Variants in TMA16 observed in about 807,000 individuals in gnomAD.
The protein encoded by TMA16 is translation machinery associated 16 homolog.
In TMA16, 26 loss-of-function variants were observed where a neutral mutation model predicts 27.1. The observed-to-expected ratio is 0.96, with a 90% CI of 0.70 to 1.33. TMA16 has a LOEUF of 1.33. Among genes scored for constraint, TMA16 ranks in the 40% most tolerant of loss-of-function variants. TMA16 has a pLI of 0.00. For missense variants in TMA16, 233 were observed against 241.4 expected (o/e 0.97, Z 0.23); for synonymous variants, 71 against 81.9 (o/e 0.87, Z 0.72).
chr4:163,510,952 A>G (rs1346928891), intron 2 of TMA16, among the ~76,000 whole-genome samples: 1 of 152,130 alleles, frequency 6.6e-6, no homozygotes, highest in East Asian at 1.9e-4. Context: ...GTGTGGACAT[A>G]CGTTTTCATT....
intron 6 of TMA16, among the ~76,000 whole-genome samples, chr4:163,517,711 A>G (rs1737902535): frequency 6.6e-6 from 1 of 152,202 alleles, no homozygotes; most frequent in African/African-American, 2.4e-5. Context: ...TTTAAGATAC[A>G]TTGTTATAGT....
chr4:163,512,832 GA>G lies in TMA16; in HGVS notation c.131del (p.Lys44ArgfsTer34). 2 of 1,601,440 alleles carry G rather than the reference GA, an allele frequency of 1.2e-6. No homozygotes were observed. Among genetic ancestry groups the G allele is most frequent in the South Asian group, 1.1e-5 (1 of 88,824 alleles). On this transcript the variant is annotated frameshift_variant, in exon 3 of 7. Coordinates refer to ENST00000358572, the MANE Select transcript of TMA16 (RefSeq NM_018352.3). LOFTEE classifies it high-confidence loss of function. ...KQEKKEKLKN[E>X]KALRLNLVGE... ...ACCTTTCCTTCAAAGATTGAAGAAT[GA>G]AAAGGCCTTGCGTCTCAACCTTGTT...
intron 1 of TMA16, among the ~76,000 whole-genome samples, chr4:163,498,477 C>CG (rs1483590856): frequency 1.3e-5 from 2 of 151,734 alleles, no homozygotes; most frequent in East Asian, 1.9e-4. Flanking sequence ...TTAGTAGAGA[C>CG]GGGGTTTCAC....
At chr4:163,517,948 C>T (rs1737908951) in intron 6 of TMA16, among the ~76,000 whole-genome samples, 1 of 150,578 alleles carries the variant, frequency 6.6e-6, no homozygotes, top group African/African-American at 2.4e-5. Context: ...GGGAAACTAC[C>T]GAGTAGGATT....
chr4:163,514,435 A>G (rs1309226951), intron 4 of TMA16, among the ~76,000 whole-genome samples: 2 of 152,202 alleles, frequency 1.3e-5, no homozygotes, highest in Non-Finnish European at 1.5e-5. Flanking sequence ...GAGGCAAGGT[A>G]GTTTGAAAAA....
intron 1 of TMA16, among the ~76,000 whole-genome samples, chr4:163,503,946 T>C (rs1057061484): frequency 6.6e-6 from 1 of 152,202 alleles, no homozygotes; most frequent in Non-Finnish European, 1.5e-5. Flanking sequence ...AACTTACAGT[T>C]GAGTCAAAAA....
intron 2 of TMA16, among the ~76,000 whole-genome samples, chr4:163,508,506 T>C (rs768192267): frequency 5.9e-5 from 9 of 152,230 alleles, no homozygotes; most frequent in Admixed American, 2.6e-4. Context: ...GTAAATGGTC[T>C]GAGGCTGAGA....
intron 4 of TMA16, among the ~76,000 whole-genome samples, chr4:163,515,088 G>A (rs1355439686): frequency 2.0e-5 from 3 of 152,112 alleles, no homozygotes; most frequent in Non-Finnish European, 4.4e-5. Flanking sequence ...GTGGTTGAAT[G>A]TGAGGGTCTG....
At chr4:163,499,580 C>T (rs1737615833) in intron 1 of TMA16, among the ~76,000 whole-genome samples, 1 of 152,070 alleles carries the variant, frequency 6.6e-6, no homozygotes, top group South Asian at 2.1e-4. Flanking sequence ...ATACCTAAAT[C>T]CATGGATGCT....
chr4:163,517,315 A>G (rs1013236651), intron 5 of TMA16, 119 bp from the exon 6 acceptor site: 2 of 928,152 alleles, frequency 2.2e-6, no homozygotes, highest in African/African-American at 1.7e-5. Flanking sequence ...TAATTACAGC[A>G]ATACTTCGAA....
At chr4:163,507,600 T>C (rs72989839) in intron 2 of TMA16, among the ~76,000 whole-genome samples, 4 of 151,998 alleles carry the variant, frequency 2.6e-5, no homozygotes, top group Non-Finnish European at 4.4e-5. Context: ...TGACACAAAT[T>C]TGGGAGCGAT....
intron 3 of TMA16, 87 bp from the exon 4 acceptor site, chr4:163,513,987 C>A (rs962355954): frequency 9.6e-7 from 1 of 1,042,478 alleles, no homozygotes; most frequent in Non-Finnish European, 1.4e-6. Flanking sequence ...CTGTTTTAAA[C>A]ACGTTAATGT....
chr4:163,508,690 G>A (rs1299594152), intron 2 of TMA16, among the ~76,000 whole-genome samples: 1 of 152,140 alleles, frequency 6.6e-6, no homozygotes, highest in Non-Finnish European at 1.5e-5. Context: ...TCTATGAACT[G>A]CTTACCTTAC....
At chr4:163,510,473 G>T (rs1737777934) in intron 2 of TMA16, among the ~76,000 whole-genome samples, 1 of 152,148 alleles carries the variant, frequency 6.6e-6, no homozygotes, top group African/African-American at 2.4e-5. Flanking sequence ...TAATATAAAT[G>T]GGATCATGCT....
At chr4:163,515,616 CT>C (rs200483857) in intron 5 of TMA16, 155 bp downstream of exon 5, 450 of 855,668 alleles carry the variant, frequency 5.3e-4, no homozygotes, top group South Asian at 8.0e-4. Context: ...ATTTTGGATT[CT>C]TTTTTTTTCC....
chr4:163,508,707 T>A (rs1360250999), intron 2 of TMA16, among the ~76,000 whole-genome samples: 3 of 152,210 alleles, frequency 2.0e-5, no homozygotes, highest in Non-Finnish European at 2.9e-5. Flanking sequence ...TTACATATAG[T>A]ACCAGTGGTA....
At chr4:163,497,169 T>C (rs1737565721) in intron 1 of TMA16, among the ~76,000 whole-genome samples, 1 of 152,192 alleles carries the variant, frequency 6.6e-6, no homozygotes, top group African/African-American at 2.4e-5. Context: ...TGGTAGAGAT[T>C]GTGTGTTTTG....
intron 5 of TMA16, 35 bp from the exon 6 acceptor site, chr4:163,517,399 A>G (rs775689187): frequency 2.5e-6 from 4 of 1,570,418 alleles, no homozygotes; most frequent in African/African-American, 1.4e-5. Context: ...TTTAGAAAAC[A>G]TTGCCTCATG....
intron 1 of TMA16, among the ~76,000 whole-genome samples, chr4:163,496,722 C>T (rs1438265472): frequency 3.3e-5 from 5 of 152,130 alleles, no homozygotes; most frequent in South Asian, 2.1e-4. Flanking sequence ...CTCAGCCTCC[C>T]GAGTAGCTGG....
Sources: gnomAD v4.1 joint callset for allele counts (sites outside exome capture counted in the v4.1 genomes callset) on GRCh38, gnomAD v4.1.1 for gene constraint, MANE v1.5 for transcripts, NCBI Gene and HGNC (gene_info 2026-07-23, HGNC 2026-07-21) for gene names.